The following LPP variants were observed in gnomAD, a reference collection of about 807,000 sequenced individuals.
LPP encodes the protein LIM domain containing preferred translocation partner in lipoma, also known as lipoma-preferred partner.
A neutral mutation model predicts 60.4 loss-of-function variants in LPP; 38 were observed. The observed-to-expected ratio is 0.63, with a 90% CI of 0.49 to 0.83. LPP has a LOEUF of 0.83. Ranked by LOEUF, LPP falls within the 40% of genes least tolerant of loss-of-function variation. The probability of loss-of-function intolerance (pLI) is 0.00; values close to 1 mark genes in which losing one functional copy is unlikely to be tolerated. For synonymous variants in LPP, 328 were observed against 290.8 expected (o/e 1.13, Z -1.30); for missense variants, 902 against 783.6 (o/e 1.15, Z -1.80).
chr3:188,192,943 A>T (rs570122637), intron 1 of LPP, among the ~76,000 whole-genome samples: 1 of 152,252 alleles, frequency 6.6e-6, no homozygotes, highest in South Asian at 2.1e-4. Flanking sequence ...TCTCAGGGAG[A>T]TGTTTCTCTC....
intron 7 of LPP, among the ~76,000 whole-genome samples, chr3:188,668,170 G>T (rs1164868484): frequency 6.6e-6 from 1 of 151,842 alleles, no homozygotes; most frequent in Non-Finnish European, 1.5e-5. Context: ...AAAAAAAATG[G>T]TATCTGGTAC....
At position 188,875,048 on chromosome 3, in the gene LPP, A is replaced by T. The variant is rs1769087748; in HGVS notation, c.*569A>T. On this transcript the variant is annotated 3_prime_UTR_variant, in exon 12 of 12. Coordinates refer to ENST00000617246, the MANE Select transcript of LPP (RefSeq NM_001375462.1). ...CTGTAAAGAATTTAAGCTGTAAATT[A>T]CATAAGTTAGAACAAGCCCAAATTT... 4.5e-6 allele frequency: 1 copy of T among 221,842 alleles called. No individual in the cohort carries two copies. Among genetic ancestry groups the T allele is most frequent in the Non-Finnish European group, 9.0e-6 (1 of 111,048 alleles). The allele number at this position is 221,842 out of a possible 1,614,324, so 13.7% of individuals were successfully genotyped here.
intron 2 of LPP, among the ~76,000 whole-genome samples, chr3:188,331,038 C>T (rs1759914266): frequency 6.6e-6 from 1 of 151,810 alleles, no homozygotes; most frequent in Admixed American, 6.6e-5. Context: ...TTTTTCTAGC[C>T]ATTTATATTA....
At chr3:188,744,635 A>C (rs1435315034) in intron 8 of LPP, among the ~76,000 whole-genome samples, 1 of 152,122 alleles carries the variant, frequency 6.6e-6, no homozygotes, top group African/African-American at 2.4e-5. Flanking sequence ...AAGGTCAAAA[A>C]CATTATTTTC....
At chr3:188,404,759 G>A (rs953193930) in intron 3 of LPP, among the ~76,000 whole-genome samples, 1 of 152,196 alleles carries the variant, frequency 6.6e-6, no homozygotes, top group African/African-American at 2.4e-5. Context: ...GGAGGTAATT[G>A]TGTAGCCCTC....
intron 5 of LPP, among the ~76,000 whole-genome samples, chr3:188,508,420 C>A (rs1460803050): frequency 6.6e-6 from 1 of 152,206 alleles, no homozygotes; most frequent in African/African-American, 2.4e-5. Context: ...CAGACATAAA[C>A]AGCTCTGCCT....
At chr3:188,866,635 G>A (rs758708760) in intron 10 of LPP, among the ~76,000 whole-genome samples, 7 of 152,094 alleles carry the variant, frequency 4.6e-5, no homozygotes, top group Non-Finnish European at 7.4e-5. Flanking sequence ...TTCTAATGAC[G>A]AAAAAGCTGG....
At chr3:188,341,359 CT>C (rs968187014) in intron 2 of LPP, among the ~76,000 whole-genome samples, 1 of 152,192 alleles carries the variant, frequency 6.6e-6, no homozygotes, top group Non-Finnish European at 1.5e-5. Flanking sequence ...TCAGTTTCTA[CT>C]TCTGTAAAAT....
chr3:188,491,720 TCA>T (rs1808435503), intron 5 of LPP, among the ~76,000 whole-genome samples: 1 of 152,220 alleles, frequency 6.6e-6, no homozygotes, highest in Non-Finnish European at 1.5e-5. Flanking sequence ...GAAGCGAATG[TCA>T]CAGTTTTCCT....
chr3:188,157,462 A>G (rs1270160296), intron 1 of LPP, among the ~76,000 whole-genome samples: 1 of 152,072 alleles, frequency 6.6e-6, no homozygotes, highest in Non-Finnish European at 1.5e-5. Flanking sequence ...GATTTTGTAC[A>G]CGGGTAGAGT....
At chr3:188,669,405 T>C (rs1219909977) in intron 7 of LPP, among the ~76,000 whole-genome samples, 1 of 151,870 alleles carries the variant, frequency 6.6e-6, no homozygotes, top group Non-Finnish European at 1.5e-5. Context: ...TGAAACCCCG[T>C]CTCTACTAAA....
chr3:188,691,578 G>A (rs7651859), intron 7 of LPP, among the ~76,000 whole-genome samples: 84,135 of 152,084 alleles, frequency 0.55, 24,498 homozygotes, highest in Non-Finnish European at 0.66. Flanking sequence ...TACTTCTCCT[G>A]TTTGGTTTAT....
intron 6 of LPP, among the ~76,000 whole-genome samples, chr3:188,541,180 C>G (rs1825070340): frequency 6.6e-6 from 1 of 152,036 alleles, no homozygotes; most frequent in African/African-American, 2.4e-5. Context: ...GACGCTAAAG[C>G]ATGTAAAGCA....
chr3:188,412,475 C>T (rs558580320), intron 4 of LPP, among the ~76,000 whole-genome samples: 1 of 152,254 alleles, frequency 6.6e-6, no homozygotes, highest in South Asian at 2.1e-4. Context: ...CTGTCACTCT[C>T]TGAGGTAGGT....
At chr3:188,799,727 C>A (rs1380278307) in intron 9 of LPP, among the ~76,000 whole-genome samples, 1 of 152,134 alleles carries the variant, frequency 6.6e-6, no homozygotes, top group Admixed American at 6.5e-5. Flanking sequence ...GTGTCTTGCA[C>A]TTAAGGTTTA....
At chr3:188,269,645 A>ACGTGTGTG (rs1553845284) in intron 2 of LPP, among the ~76,000 whole-genome samples, 1 of 136,454 alleles carries the variant, frequency 7.3e-6, no homozygotes, top group African/African-American at 2.8e-5. Context: ...CTTTTTTTTT[A>ACGTGTGTG]TGTGTGTGTG....
intron 4 of LPP, among the ~76,000 whole-genome samples, chr3:188,434,109 A>G (rs1791706786): frequency 6.6e-6 from 1 of 152,148 alleles, no homozygotes; most frequent in Non-Finnish European, 1.5e-5. Context: ...CTGTTTTTGA[A>G]TTCTCTGCTT....
intron 7 of LPP, among the ~76,000 whole-genome samples, chr3:188,696,263 T>G (rs1047118416): frequency 1.3e-5 from 2 of 151,058 alleles, no homozygotes; most frequent in East Asian, 3.9e-4. Flanking sequence ...ATCTGTATCA[T>G]CCATTGATAC....
At chr3:188,188,068 A>G (rs1215241151) in intron 1 of LPP, among the ~76,000 whole-genome samples, 1 of 152,188 alleles carries the variant, frequency 6.6e-6, no homozygotes, top group East Asian at 1.9e-4. Flanking sequence ...TGCTCTTATA[A>G]ATAATACTCT....
Sources: allele counts gnomAD v4.1 joint callset (sites outside exome capture counted in the v4.1 genomes callset), GRCh38; gene constraint gnomAD v4.1.1; transcripts MANE v1.5; gene names NCBI Gene and HGNC (gene_info 2026-07-23, HGNC 2026-07-21).